Variants in DYNC1I1 observed in about 807,000 individuals in gnomAD.
The protein encoded by DYNC1I1 is dynein cytoplasmic 1 intermediate chain 1.
In DYNC1I1, 43 loss-of-function variants were observed where a neutral mutation model predicts 86.6. That is an observed-to-expected ratio of 0.50 (90% CI 0.39 to 0.64). The LOEUF (loss-of-function observed/expected upper bound fraction) is 0.64. Among genes scored for constraint, DYNC1I1 ranks in the 30% least tolerant of loss-of-function variants. The probability of loss-of-function intolerance (pLI) is 0.00; values close to 1 mark genes in which losing one functional copy is unlikely to be tolerated. For synonymous variants in DYNC1I1, 262 were observed against 283.7 expected, an observed-to-expected ratio of 0.92 and a Z score of 0.77; for missense variants, 604 against 788.8, an observed-to-expected ratio of 0.77 and a Z score of 2.81.
At chr7:95,849,171 A>G (rs1419647153) in intron 5 of DYNC1I1, among the ~76,000 whole-genome samples, 1 of 151,964 alleles carries the variant, frequency 6.6e-6, no homozygotes, top group African/African-American at 2.4e-5. Flanking sequence ...CATTTTGTAC[A>G]TTGTCTCTTT....
At chr7:96,087,334 G>A (rs1287566920) in intron 16 of DYNC1I1, among the ~76,000 whole-genome samples, 8 of 152,170 alleles carry the variant, frequency 5.3e-5, no homozygotes, top group South Asian at 2.1e-4. Context: ...TTTAATAACC[G>A]TGCTTTATGA....
At chr7:95,922,909 C>T (rs1313390613) in intron 6 of DYNC1I1, among the ~76,000 whole-genome samples, 1 of 151,870 alleles carries the variant, frequency 6.6e-6, no homozygotes, top group African/African-American at 2.4e-5. Context: ...GTTCTAAAGA[C>T]GTATTTTAGC....
chr7:95,818,196 A>T (rs1794989617), intron 4 of DYNC1I1, among the ~76,000 whole-genome samples: 1 of 141,160 alleles, frequency 7.1e-6, no homozygotes. Context: ...TAATAGAATT[A>T]ATTTTTGTCT....
chr7:95,998,478 A>G (rs897458254), intron 10 of DYNC1I1, among the ~76,000 whole-genome samples: 2 of 152,238 alleles, frequency 1.3e-5, no homozygotes, highest in Non-Finnish European at 2.9e-5. Context: ...GAAAAACCAA[A>G]GCCTTCACTC....
intron 5 of DYNC1I1, among the ~76,000 whole-genome samples, chr7:95,836,672 T>C (rs1789102382): frequency 6.6e-6 from 1 of 152,086 alleles, no homozygotes; most frequent in Admixed American, 6.6e-5. Flanking sequence ...CATTTCTTTT[T>C]ATTCTTTTTT....
At chr7:95,916,400 G>A (rs1791468067) in intron 6 of DYNC1I1, among the ~76,000 whole-genome samples, 1 of 152,128 alleles carries the variant, frequency 6.6e-6, no homozygotes, top group African/African-American at 2.4e-5. Context: ...GTGAGTTTCA[G>A]AAATATCACT....
intron 10 of DYNC1I1, among the ~76,000 whole-genome samples, chr7:96,011,753 A>T (rs1303359396): frequency 6.6e-6 from 1 of 152,222 alleles, no homozygotes; most frequent in Admixed American, 6.5e-5. Flanking sequence ...ACTTGAGTGT[A>T]CTGTTCAATT....
At chr7:95,840,509 C>A (rs1356047603) in intron 5 of DYNC1I1, among the ~76,000 whole-genome samples, 1 of 152,174 alleles carries the variant, frequency 6.6e-6, no homozygotes, top group Non-Finnish European at 1.5e-5. Context: ...TCTTCATGAT[C>A]AACATTTTGA....
intron 10 of DYNC1I1, among the ~76,000 whole-genome samples, chr7:95,996,942 T>C (rs1442655462): frequency 6.6e-6 from 1 of 152,194 alleles, no homozygotes; most frequent in Non-Finnish European, 1.5e-5. Flanking sequence ...AACCTGTTGA[T>C]TTTTGGAAGC....
At chr7:95,866,785 T>C (rs758427775) in intron 5 of DYNC1I1, among the ~76,000 whole-genome samples, 10 of 152,210 alleles carry the variant, frequency 6.6e-5, no homozygotes, top group Non-Finnish European at 1.0e-4. Flanking sequence ...TTATAAATTA[T>C]TTGAGACAGA....
chr7:95,998,583 G>A (rs1261931207), intron 10 of DYNC1I1, among the ~76,000 whole-genome samples: 5 of 152,298 alleles, frequency 3.3e-5, no homozygotes, highest in East Asian at 1.9e-4. Flanking sequence ...GGGAAATCAC[G>A]TCGTTTGAAT....
At chr7:96,040,720 T>G (rs563875555) in intron 14 of DYNC1I1, among the ~76,000 whole-genome samples, 156 of 151,822 alleles carry the variant, frequency 1.0e-3, no homozygotes, top group South Asian at 2.9e-3. Flanking sequence ...TGAGTAGTTT[T>G]TTTTTTTTTT....
chr7:95,991,500 A>C (rs1406478297), intron 9 of DYNC1I1, among the ~76,000 whole-genome samples: 1 of 152,186 alleles, frequency 6.6e-6, no homozygotes, highest in Non-Finnish European at 1.5e-5. Context: ...GACCTCACCA[A>C]CAGGCTGCTG....
intron 6 of DYNC1I1, among the ~76,000 whole-genome samples, chr7:95,937,077 A>AAAGAAAAGTACTACCTTATCTCACTTAT (rs1480711211): frequency 6.6e-6 from 1 of 152,010 alleles, no homozygotes; most frequent in African/African-American, 2.4e-5. Context: ...TTAGACACAG[A>AAAGAAAAGTACTACCTTATCTCACTTAT]AAGAAAAGTA....
chr7:95,882,453 G>T (rs1790479941), intron 6 of DYNC1I1, among the ~76,000 whole-genome samples: 2 of 152,278 alleles, frequency 1.3e-5, no homozygotes, highest in Non-Finnish European at 2.9e-5. Context: ...TTGAGCATCT[G>T]TTTCCCTCTA....
chr7:95,855,483 T>C (rs933505957), intron 5 of DYNC1I1, among the ~76,000 whole-genome samples: 5 of 152,212 alleles, frequency 3.3e-5, no homozygotes, highest in African/African-American at 7.2e-5. Flanking sequence ...TTTACATTTT[T>C]CTCCAAATTT....
chr7:96,072,948 C>T (rs1221784570), intron 14 of DYNC1I1, among the ~76,000 whole-genome samples: 1 of 152,022 alleles, frequency 6.6e-6, no homozygotes, highest in Non-Finnish European at 1.5e-5. Flanking sequence ...ATAATAAAAT[C>T]CCTTTATCAA....
chr7:96,092,760 G>T (rs1790885062), intron 16 of DYNC1I1, among the ~76,000 whole-genome samples: 1 of 152,092 alleles, frequency 6.6e-6, no homozygotes, highest in East Asian at 1.9e-4. Flanking sequence ...AGGCTAAAAT[G>T]ATACATTTTC....
chr7:96,088,507 T>C (rs1396850661), intron 16 of DYNC1I1, among the ~76,000 whole-genome samples: 1 of 152,160 alleles, frequency 6.6e-6, no homozygotes, highest in Non-Finnish European at 1.5e-5. Flanking sequence ...GTTAATTTTT[T>C]TATGGCTGAC....
Sources: allele counts gnomAD v4.1 joint callset (sites outside exome capture counted in the v4.1 genomes callset), GRCh38; gene constraint gnomAD v4.1.1; transcripts MANE v1.5; gene names NCBI Gene and HGNC (gene_info 2026-07-23, HGNC 2026-07-21).